The following CXXC5 variants were observed in gnomAD, a reference collection of about 807,000 sequenced individuals.
The protein encoded by CXXC5 is CXXC-type zinc finger protein 5.
In CXXC5, 2 loss-of-function variants were observed where a neutral mutation model predicts 17.6. The observed-to-expected ratio is 0.11, with a 90% CI of 0.05 to 0.36. The LOEUF (loss-of-function observed/expected upper bound fraction) is 0.36. Among genes scored for constraint, CXXC5 ranks in the 10% least tolerant of loss-of-function variants. The pLI is 1.00. For missense variants in CXXC5, 343 were observed against 458.3 expected (o/e 0.75, Z 2.30); for synonymous variants, 171 against 193.0 (o/e 0.89, Z 0.94).
rs1344722983 is a variant in CXXC5 at position 139,668,035 on chromosome 5, C to T, written c.-160-12329C>T. 6.6e-6 allele frequency among the ~76,000 whole-genome samples: 1 copy of T among 152,022 alleles called. No homozygotes were observed. Among genetic ancestry groups the T allele is most frequent in the Admixed American group, 6.5e-5 (1 of 15,286 alleles). ...TTTTTGCTGCAGGGTCCCACCTGCC[C>T]GAGGCCTCCCAGCCCCTCTCATCCC... On this transcript the variant is annotated intron_variant, in intron 1 of 2. Coordinates refer to ENST00000302517, the MANE Select transcript of CXXC5 (RefSeq NM_016463.9). The surrounding 1 kb of genome is among the most constrained non-coding windows in gnomAD (Gnocchi z 4.1).
Position 139,663,476 on chromosome 5 carries a change from C to T in CXXC5, c.-161+14631C>T, listed in dbSNP as rs1047387374. Among the ~76,000 whole-genome samples the T allele has an allele frequency of 5.3e-5, 8 of 152,088 alleles. No individual in the cohort carries two copies. The highest frequency in any genetic ancestry group is 2.0e-4 in the Admixed American group (3 of 15,280). ...CTGTCTAGAAGTGTAGGTAGGCCTTCTTCCTTTGGGCAGAAGAGGAGATGC... is the reference window on the plus strand; with the variant it reads ...CTGTCTAGAAGTGTAGGTAGGCCTTTTTCCTTTGGGCAGAAGAGGAGATGC... On this transcript the variant is annotated intron_variant, in intron 1 of 2. Transcript: ENST00000302517. The surrounding 1 kb of genome is among the most constrained non-coding windows in gnomAD (Gnocchi z 4.2).
intron 1 of CXXC5, among the ~76,000 whole-genome samples, chr5:139,671,174 C>T (rs1426763839): frequency 3.6e-4 from 55 of 152,332 alleles, no homozygotes; most frequent in Admixed American, 3.5e-3. Flanking sequence ...GGCCCAAGAG[C>T]GCCAGGATGG....
chr5:139,653,433 G>A (rs543386655), intron 1 of CXXC5, among the ~76,000 whole-genome samples: 62 of 152,308 alleles, frequency 4.1e-4, no homozygotes, highest in African/African-American at 1.3e-3. Flanking sequence ...GGGCTTACCT[G>A]GGAGTGTGAG....
intron 1 of CXXC5, among the ~76,000 whole-genome samples, chr5:139,665,996 T>G (rs1756090231): frequency 6.6e-6 from 1 of 152,212 alleles, no homozygotes; most frequent in Admixed American, 6.5e-5. Context: ...AATAGACCAG[T>G]TCTTCCAAAC....
chr5:139,666,544 G>A (rs374060735), intron 1 of CXXC5, among the ~76,000 whole-genome samples: 1 of 152,336 alleles, frequency 6.6e-6, no homozygotes, highest in East Asian at 1.9e-4. Flanking sequence ...TCAGGGCTGG[G>A]GCAAGAATGG....
chr5:139,650,710 C>T (rs1323657835), intron 1 of CXXC5, among the ~76,000 whole-genome samples: 3 of 152,308 alleles, frequency 2.0e-5, no homozygotes, highest in Admixed American at 6.5e-5. Flanking sequence ...CCTGATCCCC[C>T]TCCTGAAAGA....
At chr5:139,671,365 C>T (rs886843200) in intron 1 of CXXC5, among the ~76,000 whole-genome samples, 3 of 152,216 alleles carry the variant, frequency 2.0e-5, no homozygotes, top group Admixed American at 2.0e-4. Context: ...CCCCCAGGGT[C>T]TCTAGAGTGG....
intron 1 of CXXC5, among the ~76,000 whole-genome samples, chr5:139,650,282 G>A (rs1463049755): frequency 6.6e-6 from 1 of 152,142 alleles, no homozygotes; most frequent in African/African-American, 2.4e-5. Context: ...TGGTCTGAGA[G>A]TCGCGCCTTC....
At position 139,663,229 on chromosome 5, in the gene CXXC5, G is replaced by A. The variant is rs997493523; in HGVS notation, c.-161+14384G>A. On this transcript the variant is annotated intron_variant, in intron 1 of 2. Transcript: ENST00000302517. This position sits in a 1 kb window ranked among gnomAD's most constrained non-coding sequence, Gnocchi z 4.2. The stretch of plus-strand genomic sequence containing the variant: ...AATATCAGAGGGAGCAGAGAGAGCC[G>A]ACTGTAGTTTCAAGGCTTTCTCTGT... 5.3e-5 allele frequency among the ~76,000 whole-genome samples: 8 copies of A among 152,134 alleles called. No homozygotes were observed. The highest frequency in any genetic ancestry group is 4.1e-4 in the South Asian group (2 of 4,832).
chr5:139,677,010 C>G (rs547304558), intron 1 of CXXC5, among the ~76,000 whole-genome samples: 1 of 151,562 alleles, frequency 6.6e-6, no homozygotes, highest in Non-Finnish European at 1.5e-5. Flanking sequence ...TGTCCCCGCC[C>G]GTCAGCCCCT....
chr5:139,682,318 C>CTCCCAA, intron 2 of CXXC5, among the ~76,000 whole-genome samples: 1 of 118,828 alleles, frequency 8.4e-6, no homozygotes, highest in African/African-American at 3.6e-5. Context: ...TGGTTACCCT[C>CTCCCAA]CCCCAACCCC....
In CXXC5 at chr5:139,661,416, C is replaced by T. The variant is rs1755803896; in HGVS notation, c.-161+12571C>T. 6.6e-6 allele frequency among the ~76,000 whole-genome samples: 1 copy of T among 152,234 alleles called. No individual in the cohort carries two copies. The highest frequency in any genetic ancestry group is 1.5e-5 in the Non-Finnish European group (1 of 68,026). ...ACGTAGTTCCACACGACTCAGCACA[C>T]CCAGCCGACACGCGTGGTACAGACT... On this transcript the variant is annotated intron_variant, in intron 1 of 2. Transcript: ENST00000302517. The surrounding 1 kb of genome is among the most constrained non-coding windows in gnomAD (Gnocchi z 4.7).
chr5:139,652,147 G>GGCGCGCGCGCGC (rs34430057), intron 1 of CXXC5, among the ~76,000 whole-genome samples: 1 of 136,548 alleles, frequency 7.3e-6, no homozygotes. Flanking sequence ...CCTAGCCGCC[G>GGCGCGCGCGCGC]GCGCGCGCGC....
intron 1 of CXXC5, among the ~76,000 whole-genome samples, chr5:139,677,863 C>T (rs1035612708): frequency 6.6e-5 from 10 of 152,214 alleles, no homozygotes; most frequent in Non-Finnish European, 1.2e-4. Context: ...GAGCGCAGGC[C>T]GGCTGTGTTG....
At chr5:139,652,171 C>CGT (rs70988712) in intron 1 of CXXC5, among the ~76,000 whole-genome samples, 137 of 114,976 alleles carry the variant, frequency 1.2e-3, no homozygotes, top group East Asian at 0.01. Flanking sequence ...CGCGCGCGCG[C>CGT]GTGTGTGTGT....
At chr5:139,660,742 G>A (rs1390256887) in intron 1 of CXXC5, among the ~76,000 whole-genome samples, 1 of 142,156 alleles carries the variant, frequency 7.0e-6, no homozygotes, top group African/African-American at 2.5e-5. Context: ...TGGGGTGGGG[G>A]GCCTATATTT....
rs914386485 is a variant in CXXC5 at position 139,681,348 on chromosome 5, C to T, written c.825C>T (p.Cys275=). 4.3e-6 allele frequency: 7 copies of T among 1,612,254 alleles called. No homozygotes were observed. Among genetic ancestry groups the T allele is most frequent in the South Asian group, 2.2e-5 (2 of 91,028 alleles). The change falls in exon 2 of 3, where the codon TGC becomes TGT. Residue 275 remains cysteine (C), a synonymous_variant. Transcript: ENST00000302517. ...MCAPCRRRIN[C]EQCSSCRNRK... ...CGCCCTGCCGGCGGCGCATCAACTG[C>T]GAGCAGTGCAGCAGTTGTAGGAATC...
rs1045254390 is a variant in CXXC5, at chr5:139,683,780, C to G, written c.*873C>G. The G allele has an allele frequency of 6.6e-6, 1 of 152,472 alleles. No homozygotes were observed. The highest frequency in any genetic ancestry group is 1.5e-5 in the Non-Finnish European group (1 of 68,028). 9.4% of individuals were successfully genotyped at this position (152,472 alleles called of 1,614,324 possible). On this transcript the variant is annotated 3_prime_UTR_variant, in exon 3 of 3. Coordinates refer to ENST00000302517, the MANE Select transcript of CXXC5 (RefSeq NM_016463.9). ...CAGGGGGCCCCCTGCGGCCTGGGCC[C>G]CCCTGCCCACGGCCAGCTTCCTGCT...
rs746856074 is a variant in CXXC5 at position 139,680,767 on chromosome 5, T to A, written c.244T>A (p.Tyr82Asn). ...SLRRSRPLSH[Y>N]SSFGSSGGSG... is the part of the protein sequence containing the mutation. ...GCGCCGCTCCCGCCCGCTCTCCCAC[T>A]ACTCTTCTTTTGGCAGCAGTGGTGG... The change falls in exon 2 of 3, where the codon TAC (tyrosine) becomes AAC (asparagine). Residue 82 changes from tyrosine (Y) to asparagine (N), a missense_variant. Tyr to Asn is a moderately radical substitution (Grantham distance 143). Transcript: ENST00000302517. 2 of 1,613,496 alleles carry A rather than the reference T, an allele frequency of 1.2e-6. No individual in the cohort carries two copies. The highest frequency in any genetic ancestry group is 1.7e-6 in the Non-Finnish European group (2 of 1,180,000).
Sources: gnomAD v4.1 joint callset for allele counts (sites outside exome capture counted in the v4.1 genomes callset) on GRCh38, gnomAD v4.1.1 for gene constraint, Gnocchi (gnomAD v3.1) non-coding constraint, MANE v1.5 for transcripts, NCBI Gene and HGNC (gene_info 2026-07-23, HGNC 2026-07-21) for gene names.